BSN: variants seen among roughly 807,000 people sequenced by gnomAD.
BSN encodes protein bassoon.
BSN carries 57 observed loss-of-function variants against 264.8 expected under a neutral mutation model. The observed-to-expected ratio is 0.22, with a 90% CI of 0.17 to 0.27. The LOEUF (loss-of-function observed/expected upper bound fraction) is 0.27, where lower values mean the gene tolerates loss of function less well. Ranked by LOEUF, BSN falls within the 10% of genes least tolerant of loss-of-function variation. The pLI, the probability that BSN is intolerant of heterozygous loss-of-function variation, is 1.00. For synonymous variants in BSN, 2,059 were observed against 2,137.3 expected, an observed-to-expected ratio of 0.96 and a Z score of 1.01; for missense variants, 4,615 against 5,232.5, an observed-to-expected ratio of 0.88 and a Z score of 3.64.
chr3:49,651,396 C>T lies in BSN; in HGVS notation c.1987-147C>T, dbSNP rs147201495. ...ATGGAACCTTCAGGTTATTCAAGGC[C>T]AGAAGGAGATAGGGTGGGTGGCGGG... On this transcript the variant is annotated intron_variant, in intron 4 of 11. Transcript: ENST00000296452. This position sits in a 1 kb window ranked among gnomAD's most constrained non-coding sequence, Gnocchi z 5.4. 5 of 889,798 alleles carry T rather than the reference C, an allele frequency of 5.6e-6. No homozygotes were observed. The East Asian group carries it at 1.3e-4, about 23-fold the overall frequency. The allele number at this position is 889,798 out of a possible 1,614,324, so 55.1% of individuals were successfully genotyped here.
In BSN at chr3:49,655,116, C is replaced by A; in HGVS notation, c.5560C>A (p.Leu1854Met). ...CCCTGCAGAGCTGCGGTCACATGCT[C>A]TGCCAGGTGCCAGGAAGCCACACAC... is the stretch of plus-strand genomic sequence containing the variant. The part of the protein sequence containing the change: ...ATPAELRSHA[L>M]PGARKPHTVV... The change falls in exon 5 of 12, where the codon CTG (leucine) becomes ATG (methionine). Residue 1854 changes from leucine (L) to methionine (M), a missense_variant. Coordinates refer to ENST00000296452, the MANE Select transcript of BSN (RefSeq NM_003458.4). 6.2e-7 allele frequency: 1 copy of A among 1,612,516 alleles called. No homozygotes were observed. Among genetic ancestry groups the A allele is most frequent in the South Asian group, 1.1e-5 (1 of 91,038 alleles).
In BSN at chr3:49,653,680, C is replaced by T. The variant is rs751010794; in HGVS notation, c.4124C>T (p.Ser1375Phe). The T allele has an allele frequency of 6.2e-7, 1 of 1,613,696 alleles. No individual in the cohort carries two copies. The highest frequency in any genetic ancestry group is 2.2e-5 in the East Asian group (1 of 44,850). ...TCCAAGGAGATAGGCATGCCCTTTT[C>T]CCAGGGCCCTGGGACCCCAGCCACC... ...SASKEIGMPF[S>F]QGPGTPATTA... The change falls in exon 5 of 12, where the codon TCC becomes TTC. Residue 1375 changes from serine (S) to phenylalanine (F), a missense_variant. Physicochemically the swap from Ser to Phe is radical, Grantham distance 155. Transcript: ENST00000296452. The surrounding 1 kb of genome is among the most constrained non-coding windows in gnomAD (Gnocchi z 6.3).
At position 49,643,238 on chromosome 3, in the gene BSN, CTGGGTCTGCAGCAGCCA is replaced by C. The variant is rs2052480560; in HGVS notation, c.1518+91_1518+107del. On this transcript the variant is annotated intron_variant, in intron 3 of 11. Transcript: ENST00000296452. The stretch of plus-strand genomic sequence containing the variant: ...AGTGTCATGGGAACCAGAAAGAGTT[CTGGGTCTGCAGCAGCCA>C]TGGGGCTGCTCCTGTACAACTAATG... The C allele has an allele frequency of 5.3e-6, 8 of 1,499,922 alleles. No homozygotes were observed. In the Admixed American group the frequency reaches 1.8e-4, roughly 34 times the overall value. 92.9% of individuals were successfully genotyped at this position (1,499,922 alleles called of 1,614,324 possible).
In BSN at chr3:49,657,211, G is replaced by T. The variant is rs1375415903; in HGVS notation, c.7655G>T (p.Gly2552Val). ...GAGCAGTGGGAGGCCAGCCGTAGTG[G>T]CATCAAGAAGCGGCACTCCATGCCA... ...TEEQWEASRSGIKKRHSMPRL... is the reference protein window; with the variant it reads ...TEEQWEASRSVIKKRHSMPRL... The change falls in exon 5 of 12, where the codon GGC (glycine) becomes GTC (valine). Residue 2552 changes from glycine to valine, a missense_variant. By Grantham distance (109) the Gly-to-Val change is moderately radical. Around this residue, in one of 3 missense-constraint regions of BSN, gnomAD observed 3,415 missense variants for 3,866.4 expected, o/e 0.88. Coordinates refer to ENST00000296452, the MANE Select transcript of BSN (RefSeq NM_003458.4). The T allele has an allele frequency of 6.2e-7, 1 of 1,613,320 alleles. No homozygotes were observed. The highest frequency in any genetic ancestry group is 8.5e-7 in the Non-Finnish European group (1 of 1,180,056).
chr3:49,559,118 G>T (rs2051695255), intron 1 of BSN, among the ~76,000 whole-genome samples: 1 of 152,036 alleles, frequency 6.6e-6, no homozygotes, highest in Non-Finnish European at 1.5e-5. Context: ...GTAGAGACGG[G>T]GTTTCACCAT....
chr3:49,614,667 G>T (rs1347162234), intron 1 of BSN, among the ~76,000 whole-genome samples: 1 of 152,194 alleles, frequency 6.6e-6, no homozygotes, highest in Non-Finnish European at 1.5e-5. Context: ...TGGCCTTTGT[G>T]CTTAATTGAT....
At chr3:49,639,199 CTTTTTT>C (rs71631022) in intron 2 of BSN, among the ~76,000 whole-genome samples, 14 of 133,856 alleles carry the variant, frequency 1.0e-4, no homozygotes, top group Non-Finnish European at 2.1e-4. Context: ...CTTTCTTTTT[CTTTTTT>C]TTTTTTTTTT....
intron 1 of BSN, among the ~76,000 whole-genome samples, chr3:49,613,393 A>G (rs929476160): frequency 6.6e-6 from 1 of 151,442 alleles, no homozygotes; most frequent in African/African-American, 2.4e-5. Context: ...AACGACAGAA[A>G]ACAGAGGGGC....
At position 49,656,102 on chromosome 3, in the gene BSN, G is replaced by T. The variant is rs141750977; in HGVS notation, c.6546G>T (p.Pro2182=). The change falls in exon 5 of 12, where the codon CCG becomes CCT. Residue 2182 remains proline, a synonymous_variant. Transcript: ENST00000296452. ...GAACAGCAGTCAGACAGCTGCTGCC[G>T]TCCACAGCCACTGTACGTGCAGCTG... ...GQGTAVRQLL[P]STATVRAADG... 1 of 1,612,306 alleles carries T rather than the reference G, an allele frequency of 6.2e-7. No individual in the cohort carries two copies.
chr3:49,652,420 G>T lies in BSN; in HGVS notation c.2864G>T (p.Ser955Ile), dbSNP rs373596361. 6.2e-7 allele frequency: 1 copy of T among 1,612,368 alleles called. No homozygotes were observed. Among genetic ancestry groups the T allele is most frequent in the South Asian group, 1.1e-5 (1 of 90,918 alleles). ...ELDLGQGPDP[S>I]LDREPELEME... ...GACCTGGGCCAAGGCCCAGACCCCA[G>T]TCTGGACCGGGAGCCTGAGCTGGAG... is the stretch of plus-strand genomic sequence containing the variant. The change falls in exon 5 of 12, where the codon AGT (serine) becomes ATT (isoleucine). Residue 955 changes from serine to isoleucine, a missense_variant. Physicochemically the swap from Ser to Ile is moderately radical, Grantham distance 142 (BLOSUM62 -2). Around this residue, in one of 3 missense-constraint regions of BSN, gnomAD observed 1,197 missense variants for 1,348.0 expected, o/e 0.89. Coordinates refer to ENST00000296452, the MANE Select transcript of BSN (RefSeq NM_003458.4).
intron 1 of BSN, among the ~76,000 whole-genome samples, chr3:49,596,685 AT>A (rs1435480238): frequency 6.6e-6 from 1 of 151,896 alleles, no homozygotes; most frequent in Non-Finnish European, 1.5e-5. Context: ...GGGTCTCACT[AT>A]TTTGCCCAGG....
intron 2 of BSN, among the ~76,000 whole-genome samples, chr3:49,634,878 T>C (rs935054814): frequency 6.6e-6 from 1 of 152,116 alleles, no homozygotes. Context: ...CACATACACA[T>C]ACACACACAT....
chr3:49,572,911 C>T (rs1319114310), intron 1 of BSN, among the ~76,000 whole-genome samples: 3 of 152,176 alleles, frequency 2.0e-5, no homozygotes, highest in Non-Finnish European at 2.9e-5. Flanking sequence ...AATAGGCAGC[C>T]TCTGCCAAGT....
intron 1 of BSN, 47 bp from the exon 2 acceptor site, chr3:49,624,928 G>A (rs767531788): frequency 6.8e-7 from 1 of 1,469,268 alleles, no homozygotes; most frequent in African/African-American, 1.4e-5. Flanking sequence ...TCCGCAAGCT[G>A]CTTCTCTAAG....
At position 49,656,346 on chromosome 3, in the gene BSN, C is replaced by G. The variant is rs1325572347; in HGVS notation, c.6790C>G (p.Pro2264Ala). 6.2e-7 allele frequency: 1 copy of G among 1,608,166 alleles called. No homozygotes were observed. Among genetic ancestry groups the G allele is most frequent in the Admixed American group, 1.7e-5 (1 of 59,420 alleles). The change falls in exon 5 of 12, where the codon CCA (proline) becomes GCA (alanine). Residue 2264 changes from proline (P) to alanine (A), a missense_variant. By Grantham distance (27) the Pro-to-Ala change is conservative. This residue lies in a region of BSN where 3,415 missense variants were observed against 3,866.4 expected (regional missense o/e 0.88). Transcript: ENST00000296452. The part of the protein sequence containing the change: ...GPTGLYRYPA[P>A]SRFPIASSVP... ...CACAGGGCTGTACCGCTATCCTGCA[C>G]CAAGTAGATTTCCCATTGCTTCCAG...
Position 49,573,588 on chromosome 3 carries a change from A to G in BSN, c.224+18762A>G, listed in dbSNP as rs140788597. ...CCAGCTAGTTGCTCCTGCCACTATG[A>G]GAGGGCACCAAAATAGTTGTTGCCC... On this transcript the variant is annotated intron_variant, in intron 1 of 11. Transcript: ENST00000296452. Among the ~76,000 whole-genome samples the G allele has an allele frequency of 3.2e-4, 48 of 151,664 alleles. No homozygotes were observed. In the East Asian group the frequency reaches 3.3e-3, roughly 10 times the overall value.
At chr3:49,565,357 G>A (rs1298338336) in intron 1 of BSN, among the ~76,000 whole-genome samples, 1 of 126,442 alleles carries the variant, frequency 7.9e-6, no homozygotes, top group Non-Finnish European at 1.6e-5. Context: ...TCGCTCTGTC[G>A]TCGCCCAGGC....
chr3:49,650,322 C>A (rs1383082766), intron 3 of BSN, among the ~76,000 whole-genome samples: 4 of 152,206 alleles, frequency 2.6e-5, no homozygotes, highest in Non-Finnish European at 5.9e-5. Flanking sequence ...TCCCATCCCC[C>A]ACAGTTCTCC....
In BSN at chr3:49,660,377, G is replaced by T. The variant is rs1575451735; in HGVS notation, c.8641-109G>T. On this transcript the variant is annotated intron_variant, in intron 5 of 11. Transcript: ENST00000296452. This position sits in a 1 kb window ranked among gnomAD's most constrained non-coding sequence, Gnocchi z 7.1. Reference sequence around the variant, plus strand: ...GCCTGGTAAATCAGGGCACCAGCAAGATGGAACCCAGCTCCTTCCCCAGCC... The same window carrying T: ...GCCTGGTAAATCAGGGCACCAGCAATATGGAACCCAGCTCCTTCCCCAGCC... The T allele has an allele frequency of 6.7e-7, 1 of 1,496,164 alleles. No homozygotes were observed. Among genetic ancestry groups the T allele is most frequent in the East Asian group, 2.3e-5 (1 of 43,040 alleles). The allele number at this position is 1,496,164 out of a possible 1,614,324, so 92.7% of individuals were successfully genotyped here. A position where few individuals can be genotyped will look rare whatever the true frequency, so the allele number is the denominator to read the frequency against.
Sources: gnomAD v4.1 joint callset for allele counts (sites outside exome capture counted in the v4.1 genomes callset) on GRCh38, gnomAD v4.1.1 for gene constraint, gnomAD v4.1.1 regional missense constraint, Gnocchi (gnomAD v3.1) non-coding constraint, MANE v1.5 for transcripts, NCBI Gene and HGNC (gene_info 2026-07-23, HGNC 2026-07-21) for gene names.